KLC1: variants seen among roughly 807,000 people sequenced by gnomAD.
KLC1 encodes the protein kinesin 2 60/70kDa.
In KLC1, 30 loss-of-function variants were observed where a neutral mutation model predicts 84.2. The observed-to-expected ratio is 0.36, with a 90% CI of 0.27 to 0.48. KLC1 has a LOEUF of 0.48. Among genes scored for constraint, KLC1 ranks in the 20% least tolerant of loss-of-function variants. The probability of loss-of-function intolerance (pLI) is 0.99; values close to 1 mark genes in which losing one functional copy is unlikely to be tolerated. For synonymous variants in KLC1, 289 were observed against 293.3 expected, an observed-to-expected ratio of 0.99 and a Z score of 0.15; for missense variants, 499 against 805.4, an observed-to-expected ratio of 0.62 and a Z score of 4.60.
intron 1 of KLC1, among the ~76,000 whole-genome samples, chr14:103,633,336 C>T (rs979133478): frequency 9.9e-5 from 15 of 152,042 alleles, no homozygotes; most frequent in African/African-American, 2.7e-4. Context: ...GGATTACAGG[C>T]GTGAGCCACC....
chr14:103,655,992 C>T lies in KLC1; in HGVS notation c.261+1167C>T, dbSNP rs143883423. On this transcript the variant is annotated intron_variant, in intron 2 of 16. Transcript: ENST00000334553. ...AAGTACTGAGGTACACTCTCCTGGACGGGTTCTGTAGCTACACAGTCATCG... is the reference window on the plus strand; with the variant it reads ...AAGTACTGAGGTACACTCTCCTGGATGGGTTCTGTAGCTACACAGTCATCG... 1.4e-3 allele frequency among the ~76,000 whole-genome samples: 206 copies of T among 152,304 alleles called. 1 individual carries two copies. Among genetic ancestry groups the T allele is most frequent in the Admixed American group, 3.1e-3 (47 of 15,286 alleles).
intron 7 of KLC1, among the ~76,000 whole-genome samples, chr14:103,670,521 G>A (rs2080282956): frequency 6.6e-6 from 1 of 151,928 alleles, no homozygotes; most frequent in Non-Finnish European, 1.5e-5. Flanking sequence ...ATTTGTAGTA[G>A]AGATGGGGTT....
At chr14:103,699,486 G>C in intron 15 of KLC1, 7 of 1,612,782 alleles carry the variant, frequency 4.3e-6, no homozygotes, top group Non-Finnish European at 4.2e-6. Flanking sequence ...CAGCGGAATG[G>C]GGCTGCCACC....
chr14:103,653,570 C>T (rs1443066023), intron 1 of KLC1, among the ~76,000 whole-genome samples: 1 of 152,222 alleles, frequency 6.6e-6, no homozygotes, highest in Non-Finnish European at 1.5e-5. Flanking sequence ...ATCCGCCTGC[C>T]TTGGCCTCCC....
At chr14:103,660,501 AAATT>A (rs922744136) in intron 3 of KLC1, among the ~76,000 whole-genome samples, 8 of 150,516 alleles carry the variant, frequency 5.3e-5, no homozygotes, top group East Asian at 1.9e-4. Context: ...AAAAAAAAAA[AAATT>A]AAGGCCGATG....
chr14:103,696,521 T>C, intron 15 of KLC1: 1 of 985,476 alleles, frequency 1.0e-6, no homozygotes. Flanking sequence ...TATGGAATTT[T>C]CTTGGAGGAT....
At position 103,693,602 on chromosome 14, in the gene KLC1, C is replaced by T. The variant is rs1567042262; in HGVS notation, c.1848+1177C>T. The T allele has an allele frequency of 6.5e-7, 1 of 1,536,100 alleles. No homozygotes were observed. Among genetic ancestry groups the T allele is most frequent in the Non-Finnish European group, 8.7e-7 (1 of 1,146,904 alleles). On this transcript the variant is annotated intron_variant, in intron 15 of 16. Coordinates refer to ENST00000334553, the MANE Select transcript of KLC1 (RefSeq NM_001394837.1). This position sits in a 1 kb window ranked among gnomAD's most constrained non-coding sequence, Gnocchi z 5.1. Reference sequence around the variant, plus strand: ...TCGCGAGCTCTGAGTGCCAGCCACACTGACCTGGCCCACTGAGAGCCAGCA... The same window carrying T: ...TCGCGAGCTCTGAGTGCCAGCCACATTGACCTGGCCCACTGAGAGCCAGCA...
intron 1 of KLC1, among the ~76,000 whole-genome samples, chr14:103,646,962 G>A (rs895677668): frequency 6.6e-6 from 1 of 152,092 alleles, no homozygotes; most frequent in African/African-American, 2.4e-5. Context: ...TACTTTAGAG[G>A]TAAAGCAACT....
chr14:103,679,500 C>T lies in KLC1; in HGVS notation c.1605C>T (p.Gly535=), dbSNP rs758706990. Reference sequence around the variant, plus strand: ...TGGACGTGGTCAAGTACGAGAGTGGCCCTGACGGAGGGGAGGAAGTGAGTA... The same window carrying T: ...TGGACGTGGTCAAGTACGAGAGTGGTCCTGACGGAGGGGAGGAAGTGAGTA... ...LNVDVVKYES[G]PDGGEEVSMS... is the part of the protein sequence containing the mutation. The change falls in exon 13 of 17, where the codon GGC becomes GGT. Residue 535 remains glycine, a synonymous_variant. Coordinates refer to ENST00000334553, the MANE Select transcript of KLC1 (RefSeq NM_001394837.1). 6 of 1,613,972 alleles carry T rather than the reference C, an allele frequency of 3.7e-6. No homozygotes were observed. Among genetic ancestry groups the T allele is most frequent in the Non-Finnish European group, 4.2e-6 (5 of 1,179,934 alleles).
At chr14:103,673,213 A>C in intron 8 of KLC1, 26 bp downstream of exon 8, 1 of 1,598,756 alleles carries the variant, frequency 6.3e-7, no homozygotes, top group African/African-American at 1.3e-5. Context: ...AGCACTAGGG[A>C]GGGGGCCAGG....
intron 15 of KLC1, chr14:103,698,490 CT>C (rs1000505145): frequency 9.1e-6 from 4 of 441,110 alleles, no homozygotes; most frequent in Non-Finnish European, 1.7e-5. Flanking sequence ...CAGGGAGTCA[CT>C]GTAGGACACC....
intron 3 of KLC1, 108 bp from the exon 4 acceptor site, chr14:103,662,008 C>T (rs184288157): frequency 2.6e-6 from 2 of 762,536 alleles, no homozygotes; most frequent in East Asian, 2.6e-5. Flanking sequence ...AAAAACTGAT[C>T]ATCTTTTCTA....
Position 103,687,231 on chromosome 14 carries a change from C to T in KLC1, c.1781+20C>T, listed in dbSNP as rs2081830390. ...CCCCGGGTAACTATCTCTTCCAGCT[C>T]TCCCGACTCCCTGCACGCCGGCTGC... is the stretch of plus-strand genomic sequence containing the variant. On this transcript the variant is annotated intron_variant, in intron 14 of 16. Coordinates refer to ENST00000334553, the MANE Select transcript of KLC1 (RefSeq NM_001394837.1). 1 of 1,524,324 alleles carries T rather than the reference C, an allele frequency of 6.6e-7. No homozygotes were observed. Among genetic ancestry groups the T allele is most frequent in the Non-Finnish European group, 8.9e-7 (1 of 1,128,266 alleles). 94.4% of individuals were successfully genotyped at this position (1,524,324 alleles called of 1,614,324 possible). A position where few individuals can be genotyped will look rare whatever the true frequency, so the allele number is the denominator to read the frequency against.
At chr14:103,662,256 A>G in intron 4 of KLC1, 62 bp downstream of exon 4, 2 of 1,321,094 alleles carry the variant, frequency 1.5e-6, no homozygotes, top group Non-Finnish European at 2.2e-6. Flanking sequence ...CTCCTAGAAC[A>G]CGGTCATAGC....
At chr14:103,679,573 C>T (rs1372838123) in intron 13 of KLC1, 28 bp downstream of exon 13, 1 of 1,568,530 alleles carries the variant, frequency 6.4e-7, no homozygotes, top group African/African-American at 1.4e-5. Flanking sequence ...CGGGCACGTG[C>T]TCCGGGAGGC....
At chr14:103,642,529 A>G (rs1029952755) in intron 1 of KLC1, among the ~76,000 whole-genome samples, 20 of 152,258 alleles carry the variant, frequency 1.3e-4, no homozygotes, top group Middle Eastern at 3.4e-3. Flanking sequence ...TTGGATTCTG[A>G]TTCCATTGTA....
intron 1 of KLC1, among the ~76,000 whole-genome samples, chr14:103,632,421 A>G (rs534373822): frequency 4.2e-4 from 63 of 150,310 alleles, no homozygotes; most frequent in Middle Eastern, 3.5e-3. Context: ...AAAACAAACA[A>G]AAAGAGCCGC....
chr14:103,692,529 G>A, intron 15 of KLC1, 104 bp downstream of exon 15: 1 of 879,112 alleles, frequency 1.1e-6, no homozygotes, highest in Non-Finnish European at 1.8e-6. Context: ...TCCTGCAGAG[G>A]GCTGGGGACG....
chr14:103,701,053 C>A, intron 16 of KLC1, 148 bp from the exon 17 acceptor site: 1 of 971,934 alleles, frequency 1.0e-6, no homozygotes. Flanking sequence ...CATGACCCCT[C>A]GGCCCCAGGG....
Sources: gnomAD v4.1 joint callset for allele counts (sites outside exome capture counted in the v4.1 genomes callset) on GRCh38, gnomAD v4.1.1 for gene constraint, Gnocchi (gnomAD v3.1) non-coding constraint, MANE v1.5 for transcripts, NCBI Gene and HGNC (gene_info 2026-07-23, HGNC 2026-07-21) for gene names.